The following NUP133 variants were observed in gnomAD, a reference collection of about 807,000 sequenced individuals.
The protein encoded by NUP133 is nuclear pore complex protein Nup133.
Under a neutral mutation model 146.2 loss-of-function variants are expected in NUP133, and 66 were observed. The observed-to-expected ratio is 0.45, with a 90% CI of 0.37 to 0.55. The LOEUF (loss-of-function observed/expected upper bound fraction) is 0.55, where lower values mean the gene tolerates loss of function less well. Among genes scored for constraint, NUP133 ranks in the 20% least tolerant of loss-of-function variants. The pLI, the probability that NUP133 is intolerant of heterozygous loss-of-function variation, is 0.00. For missense variants in NUP133, 1,277 were observed against 1,374.8 expected (o/e 0.93, Z 1.12); for synonymous variants, 521 against 498.8 (o/e 1.04, Z -0.59).
At position 229,466,134 on chromosome 1, in the gene NUP133, A is replaced by T. The variant is rs1252369333; in HGVS notation, c.2199+500T>A. ...AGTAAAAGTAGCAAGGTTTTGAGTA[A>T]TTAAAAAAATAGAAATGAGAAATAT... is the stretch of plus-strand genomic sequence containing the variant. On this transcript the variant is annotated intron_variant, in intron 16 of 25. Transcript: ENST00000261396. Among the ~76,000 whole-genome samples, 4 of 152,296 alleles carry T rather than the reference A, an allele frequency of 2.6e-5. No homozygotes were observed. The East Asian group carries it at 7.7e-4, about 29-fold the overall frequency.
chr1:229,472,707 C>CATATACATATATATATATAT (rs534357538), intron 14 of NUP133, among the ~76,000 whole-genome samples: 1 of 124,270 alleles, frequency 8.0e-6, no homozygotes, highest in African/African-American at 3.1e-5. Flanking sequence ...ACTAAATATA[C>CATATACATATATATATATAT]ATATATATAT....
intron 12 of NUP133, among the ~76,000 whole-genome samples, chr1:229,481,451 G>C (rs987196313): frequency 6.6e-6 from 1 of 152,172 alleles, no homozygotes; most frequent in Non-Finnish European, 1.5e-5. Context: ...GCTCACACCT[G>C]TAATCCCAGC....
At chr1:229,479,705 T>C (rs1276268649) in intron 12 of NUP133, among the ~76,000 whole-genome samples, 1 of 152,178 alleles carries the variant, frequency 6.6e-6, no homozygotes, top group African/African-American at 2.4e-5. Flanking sequence ...CTATGAAATA[T>C]GTACTGCTGC....
chr1:229,470,523 G>T (rs1660930470), intron 15 of NUP133, 57 bp downstream of exon 15: 1 of 1,377,002 alleles, frequency 7.3e-7, no homozygotes, highest in Non-Finnish European at 1.0e-6. Flanking sequence ...CCTGCCTAGG[G>T]CATGATCACT....
rs372362492 is a variant in NUP133, at chr1:229,472,707, C to CATATATATATAT, written c.1852-1915_1852-1904dup. 1.4e-3 allele frequency among the ~76,000 whole-genome samples: 169 copies of CATATATATATAT among 124,312 alleles called. 9 individuals carry two copies. Among genetic ancestry groups the CATATATATATAT allele is most frequent in the African/African-American group, 1.5e-3 (48 of 31,990 alleles). The allele number at this position is 124,312 out of a possible 152,430, so 81.6% of individuals were successfully genotyped here. On this transcript the variant is annotated intron_variant, in intron 14 of 25. Coordinates refer to ENST00000261396, the MANE Select transcript of NUP133 (RefSeq NM_018230.3). Reference sequence around the variant, plus strand: ...CAAAAAAATTAAAAAACTAAATATACATATATATATATATATATATGTACA... The same window carrying CATATATATATAT: ...CAAAAAAATTAAAAAACTAAATATACATATATATATATATATATATATATATATATATGTACA...
chr1:229,464,205 T>C (rs1660758785), intron 18 of NUP133, among the ~76,000 whole-genome samples: 1 of 152,120 alleles, frequency 6.6e-6, no homozygotes. Context: ...CAAAACGCTA[T>C]TCTCTTCCTT....
At chr1:229,451,933 G>A (rs972829162) in intron 22 of NUP133, among the ~76,000 whole-genome samples, 4 of 152,198 alleles carry the variant, frequency 2.6e-5, no homozygotes, top group Non-Finnish European at 4.4e-5. Context: ...AGGAGAGGCT[G>A]TTGTAAATTC....
chr1:229,464,428 T>C (rs960692967), intron 18 of NUP133, among the ~76,000 whole-genome samples, 196 bp downstream of exon 18: 2 of 152,236 alleles, frequency 1.3e-5, no homozygotes, highest in Non-Finnish European at 2.9e-5. Flanking sequence ...TTGTCTTCAG[T>C]ATCATCTATG....
chr1:229,449,697 G>A (rs1002897453), intron 23 of NUP133, among the ~76,000 whole-genome samples: 1 of 151,158 alleles, frequency 6.6e-6, no homozygotes, highest in African/African-American at 2.4e-5. Context: ...TTAAAATAAG[G>A]TAATGTAAAA....
chr1:229,449,570 C>T (rs1012472297), intron 23 of NUP133, among the ~76,000 whole-genome samples: 4 of 151,600 alleles, frequency 2.6e-5, no homozygotes, highest in Non-Finnish European at 5.9e-5. Flanking sequence ...AGGGTTTCAG[C>T]ATGTTGGCCA....
At chr1:229,500,730 T>C (rs766845614) in intron 4 of NUP133, 26 bp downstream of exon 4, 16 of 1,437,520 alleles carry the variant, frequency 1.1e-5, no homozygotes, top group Admixed American at 1.9e-5. Context: ...AAAAAGTTTA[T>C]TTAAATAAGC....
chr1:229,463,516 A>G, intron 19 of NUP133, 27 bp downstream of exon 19: 1 of 1,590,776 alleles, frequency 6.3e-7, no homozygotes, highest in Non-Finnish European at 8.5e-7. Flanking sequence ...TAAAGGACTC[A>G]GTGGCCACAC....
chr1:229,442,819 C>T (rs532676684), intron 25 of NUP133, among the ~76,000 whole-genome samples: 1 of 151,654 alleles, frequency 6.6e-6, no homozygotes, highest in South Asian at 2.1e-4. Context: ...GATTCTCCTG[C>T]CTCAGCCACC....
intron 5 of NUP133, chr1:229,499,177 C>T (rs770801119): frequency 5.1e-5 from 24 of 469,974 alleles, no homozygotes; most frequent in South Asian, 2.9e-4. Context: ...TGAGACTGCA[C>T]GCATGAGCCA....
At chr1:229,483,769 T>C (rs568916) in intron 12 of NUP133, among the ~76,000 whole-genome samples, 20,091 of 151,194 alleles carry the variant, frequency 0.13, 1,560 homozygotes, top group Middle Eastern at 0.3. Context: ...TAAAAGACCC[T>C]TGCAAGATGT....
intron 24 of NUP133, among the ~76,000 whole-genome samples, chr1:229,446,360 G>A (rs1660302498): frequency 6.6e-6 from 1 of 152,122 alleles, no homozygotes; most frequent in Non-Finnish European, 1.5e-5. Context: ...GGCGAGCCGA[G>A]ATTGAGCCAC....
chr1:229,488,789 G>A (rs994575972), intron 9 of NUP133, among the ~76,000 whole-genome samples: 10 of 152,192 alleles, frequency 6.6e-5, no homozygotes, highest in Admixed American at 6.5e-4. Flanking sequence ...CGTGCACTCT[G>A]ATGGACCTGT....
chr1:229,448,737 C>A, intron 24 of NUP133: 1 of 211,016 alleles, frequency 4.7e-6, no homozygotes, highest in Non-Finnish European at 9.5e-6. Flanking sequence ...GGTAACAACA[C>A]CCTTTATAAT....
Position 229,500,850 on chromosome 1 carries a change from T to C in NUP133, c.419A>G (p.Lys140Arg). Residue 140 changes from lysine to arginine, a missense_variant, in exon 4 of 26, where the codon AAA becomes AGA. Coordinates refer to ENST00000261396, the MANE Select transcript of NUP133 (RefSeq NM_018230.3). ...LSPITKLSVC[K>R]ELQLPPSDFH... The stretch of plus-strand genomic sequence containing the variant: ...ATCACTAGGTGGCAGCTGAAGTTCT[T>C]TGCAAACGGATAACTGTAGAACAAA... The C allele has an allele frequency of 6.2e-7, 1 of 1,611,698 alleles. No homozygotes were observed. Among genetic ancestry groups the C allele is most frequent in the Non-Finnish European group, 8.5e-7 (1 of 1,178,428 alleles).
Sources: allele counts gnomAD v4.1 joint callset (sites outside exome capture counted in the v4.1 genomes callset), GRCh38; gene constraint gnomAD v4.1.1; transcripts MANE v1.5; gene names NCBI Gene and HGNC (gene_info 2026-07-23, HGNC 2026-07-21).